The following OPA3 variants were observed in gnomAD, a reference collection of about 807,000 sequenced individuals.
OPA3 encodes optic atrophy 3 protein.
Under a neutral mutation model 4.0 loss-of-function variants are expected in OPA3, and 6 were observed. That is an observed-to-expected ratio of 1.51 (90% CI 0.83 to 2.99). OPA3 has a LOEUF of 2.99. OPA3 is among the 30% of genes most tolerant of loss of function. OPA3 has a pLI of 0.00. For missense variants in OPA3, 235 were observed against 256.2 expected, an observed-to-expected ratio of 0.92 and a Z score of 0.56; for synonymous variants, 105 against 117.1, an observed-to-expected ratio of 0.90 and a Z score of 0.67.
In OPA3 at chr19:45,548,743, G is replaced by C. The variant is rs972332094; in HGVS notation, c.*4771C>G. 69 of 980,442 alleles carry C rather than the reference G, an allele frequency of 7.0e-5. No homozygotes were observed. Among genetic ancestry groups the C allele is most frequent in the Non-Finnish European group, 7.7e-5 (64 of 825,966 alleles). 60.7% of individuals were successfully genotyped at this position (980,442 alleles called of 1,614,324 possible). A position where few individuals can be genotyped will look rare whatever the true frequency, so the allele number is the denominator to read the frequency against. On this transcript the variant is annotated 3_prime_UTR_variant, in exon 2 of 2. Transcript: ENST00000263275. ...GCGGGACCACCTCAGTGAGTTTTTTGAGTGAAAGAATAAATAAAGGATATT... is the reference window on the plus strand; with the variant it reads ...GCGGGACCACCTCAGTGAGTTTTTTCAGTGAAAGAATAAATAAAGGATATT...
intron 1 of OPA3, among the ~76,000 whole-genome samples, chr19:45,534,368 C>A (rs1477667677): frequency 6.6e-6 from 1 of 151,904 alleles, no homozygotes; most frequent in Non-Finnish European, 1.5e-5. Flanking sequence ...TCCAGACCAG[C>A]CTGGCCAACC....
intron 1 of OPA3, among the ~76,000 whole-genome samples, chr19:45,533,005 C>A (rs1568395106): frequency 6.6e-6 from 1 of 152,080 alleles, no homozygotes; most frequent in Non-Finnish European, 1.5e-5. Flanking sequence ...GATTCTCCTG[C>A]CTCAGCCTCC....
Position 45,553,560 on chromosome 19 carries a change from T to A in OPA3, c.494A>T (p.Asn165Ile). ...ELQEVRAQLC[N>I]PGRSASHAVP... ...TGCGTGGGAAGCGGACCGGCCGGGATTGCAGAGCTGGGCGCGCACCTCTTG... is the reference window on the plus strand; with the variant it reads ...TGCGTGGGAAGCGGACCGGCCGGGAATGCAGAGCTGGGCGCGCACCTCTTG... The change falls in exon 2 of 2, where the codon AAT becomes ATT. Residue 165 changes from asparagine to isoleucine, a missense_variant. Transcript: ENST00000263275. 6.2e-7 allele frequency: 1 copy of A among 1,613,296 alleles called. No homozygotes were observed. The highest frequency in any genetic ancestry group is 8.5e-7 in the Non-Finnish European group (1 of 1,179,960).
intron 1 of OPA3, among the ~76,000 whole-genome samples, chr19:45,555,560 G>A (rs986128217): frequency 2.0e-5 from 3 of 151,744 alleles, no homozygotes; most frequent in East Asian, 1.9e-4. Context: ...GCGCGATCTC[G>A]GCTCACTGCA....
At chr19:45,529,121 G>C in exon 2 of OPA3, 1 of 1,606,398 alleles carries the variant, frequency 6.2e-7, no homozygotes, top group Non-Finnish European at 8.5e-7. Context: ...AGGTGGGCTC[G>C]CACCTCCTGC....
chr19:45,553,985 G>T, intron 1 of OPA3, 74 bp from the exon 2 acceptor site: 1 of 1,273,698 alleles, frequency 7.9e-7, no homozygotes, highest in Non-Finnish European at 1.1e-6. Flanking sequence ...CCCAGGGAAT[G>T]CAGTCACCTA....
chr19:45,554,066 C>A (rs1969385410), intron 1 of OPA3, among the ~76,000 whole-genome samples, 155 bp from the exon 2 acceptor site: 1 of 152,170 alleles, frequency 6.6e-6, no homozygotes, highest in South Asian at 2.1e-4. Context: ...AGAAACACTG[C>A]CCCAGAAGGG....
downstream of OPA3, among the ~76,000 whole-genome samples, chr19:45,542,016 G>A (rs570738413): frequency 1.2e-3 from 176 of 152,282 alleles, 1 homozygote; most frequent in Middle Eastern, 3.4e-3. Flanking sequence ...CTTCATGCTC[G>A]CTGCAACCCA....
chr19:45,573,042 A>G (rs1049273188), intron 1 of OPA3, among the ~76,000 whole-genome samples: 3 of 151,918 alleles, frequency 2.0e-5, no homozygotes, highest in African/African-American at 7.3e-5. Context: ...CCAAGCCCAC[A>G]TGAGGGACAG....
chr19:45,574,890 G>A (rs1051616276), intron 1 of OPA3, among the ~76,000 whole-genome samples: 5 of 152,106 alleles, frequency 3.3e-5, no homozygotes, highest in Admixed American at 2.6e-4. Context: ...CAGCTACCCT[G>A]CAGGAAAGAC....
chr19:45,553,574 G>A lies in OPA3; in HGVS notation c.480C>T (p.Arg160=), dbSNP rs768932301. Reference sequence around the variant, plus strand: ...ACCGGCCGGGATTGCAGAGCTGGGCGCGCACCTCTTGCAGCTCTGTGCGCA... The same window carrying A: ...ACCGGCCGGGATTGCAGAGCTGGGCACGCACCTCTTGCAGCTCTGTGCGCA... ...EELRTELQEV[R]AQLCNPGRSA... is the part of the protein sequence containing the mutation. The change falls in exon 2 of 2, where the codon CGC becomes CGT. Residue 160 remains arginine (R), a synonymous_variant. Transcript: ENST00000263275. 1.9e-6 allele frequency: 3 copies of A among 1,612,980 alleles called. No homozygotes were observed. The highest frequency in any genetic ancestry group is 2.5e-6 in the Non-Finnish European group (3 of 1,179,980).
exon 2 of OPA3, chr19:45,528,888 T>G: frequency 1.4e-6 from 1 of 736,198 alleles, no homozygotes; most frequent in Non-Finnish European, 2.2e-6. Context: ...CTGGGCAGGT[T>G]AGTAGGGAGG....
rs567096759 is a variant in OPA3 at position 45,553,627 on chromosome 19, C to T, written c.427G>A (p.Ala143Thr). The T allele has an allele frequency of 1.2e-6, 2 of 1,606,756 alleles. No individual in the cohort carries two copies. Among genetic ancestry groups the T allele is most frequent in the South Asian group, 2.2e-5 (2 of 90,958 alleles). ...TCCTCCAGGGCGCCCTGTGGCGGCG[C>T]CGCCTGCACCTGCGCCTGCAGCGCT... ...LEALQAQVQA[A>T]PPQGALEELR... is the part of the protein sequence containing the mutation. Residue 143 changes from alanine to threonine, a missense_variant, in exon 2 of 2, where the codon GCG becomes ACG. Transcript: ENST00000263275.
intron 1 of OPA3, among the ~76,000 whole-genome samples, chr19:45,580,222 T>A (rs137978135): frequency 6.6e-6 from 1 of 151,250 alleles, no homozygotes; most frequent in Non-Finnish European, 1.5e-5. Context: ...GTCTTGAAAT[T>A]TGACTTCGTG....
intron 1 of OPA3, among the ~76,000 whole-genome samples, chr19:45,570,984 G>T (rs1415055408): frequency 7.5e-6 from 1 of 133,756 alleles, no homozygotes; most frequent in Non-Finnish European, 1.6e-5. Flanking sequence ...TATTTGGGGG[G>T]GGGGGGCATG....
At position 45,551,601 on chromosome 19, in the gene OPA3, C is replaced by A. The variant is rs1568401406; in HGVS notation, c.*1913G>T. ...AGCACCTTGGTTTCAGACTTCTGGACTCCAGAACTGTGTGAATTAAATTCC... is the reference window on the plus strand; with the variant it reads ...AGCACCTTGGTTTCAGACTTCTGGAATCCAGAACTGTGTGAATTAAATTCC... On this transcript the variant is annotated 3_prime_UTR_variant, in exon 2 of 2. Coordinates refer to ENST00000263275, the MANE Select transcript of OPA3 (RefSeq NM_025136.4). 1.1e-5 allele frequency: 7 copies of A among 638,646 alleles called. No individual in the cohort carries two copies. Among genetic ancestry groups the A allele is most frequent in the Non-Finnish European group, 1.4e-5 (7 of 513,212 alleles). The allele number at this position is 638,646 out of a possible 1,614,324, so 39.6% of individuals were successfully genotyped here.
At chr19:45,545,174 A>AAC (rs1969232980), downstream of OPA3, among the ~76,000 whole-genome samples, 1 of 148,798 alleles carries the variant, frequency 6.7e-6, no homozygotes, top group South Asian at 2.1e-4. Context: ...CAAAAAAAAA[A>AAC]AAAACAAAAA....
Position 45,553,448 on chromosome 19 carries a change from G to A in OPA3, c.*66C>T. ...CACTGGGCCAGCGCAGGCAAGGGTG[G>A]TGCGGGAAGAAGGCCACGTTAGGTA... On this transcript the variant is annotated 3_prime_UTR_variant, in exon 2 of 2. Coordinates refer to ENST00000263275, the MANE Select transcript of OPA3 (RefSeq NM_025136.4). The A allele has an allele frequency of 6.2e-7, 1 of 1,605,016 alleles. No homozygotes were observed. Among genetic ancestry groups the A allele is most frequent in the Middle Eastern group, 1.7e-4 (1 of 6,056 alleles).
downstream of OPA3, among the ~76,000 whole-genome samples, chr19:45,541,728 C>T (rs1156466228): frequency 6.6e-6 from 1 of 152,002 alleles, no homozygotes; most frequent in South Asian, 2.1e-4. Context: ...CCACACCTGG[C>T]GCATTTTAAA....
Sources: allele counts gnomAD v4.1 joint callset (sites outside exome capture counted in the v4.1 genomes callset), GRCh38; gene constraint gnomAD v4.1.1; transcripts MANE v1.5; gene names NCBI Gene and HGNC (gene_info 2026-07-23, HGNC 2026-07-21).